The following SLC13A3 variants were observed in gnomAD, a reference collection of about 807,000 sequenced individuals.
SLC13A3 encodes the protein Na(+)/dicarboxylate cotransporter 3.
In SLC13A3, 40 loss-of-function variants were observed where a neutral mutation model predicts 59.0. The ratio of observed to expected loss-of-function variants is 0.68; its 90% confidence interval spans 0.53 to 0.88. The LOEUF (loss-of-function observed/expected upper bound fraction) is 0.88. Ranked by LOEUF, SLC13A3 falls within the 40% of genes least tolerant of loss-of-function variation. The pLI is 0.00. For synonymous variants in SLC13A3, 317 were observed against 330.3 expected (o/e 0.96, Z 0.44); for missense variants, 699 against 783.2 (o/e 0.89, Z 1.28).
At chr20:46,566,446 CAG>C in intron 10 of SLC13A3, 56 bp from the exon 11 acceptor site, 2 of 1,573,230 alleles carry the variant, frequency 1.3e-6, no homozygotes, top group Non-Finnish European at 1.7e-6. Flanking sequence ...TGCCGCCCCC[CAG>C]AGAGGGTTAG....
intron 1 of SLC13A3, among the ~76,000 whole-genome samples, chr20:46,616,315 T>C (rs1222634468): frequency 6.6e-6 from 1 of 152,146 alleles, no homozygotes; most frequent in Non-Finnish European, 1.5e-5. Context: ...AAAAAGGCAC[T>C]CTTCTGGAGA....
intron 1 of SLC13A3, among the ~76,000 whole-genome samples, chr20:46,642,207 A>T (rs1025392261): frequency 9.2e-5 from 14 of 152,314 alleles, no homozygotes; most frequent in Admixed American, 4.6e-4. Context: ...TGTGTTTATC[A>T]TACCCAAATA....
intron 1 of SLC13A3, chr20:46,676,153 C>T (rs1477490801): frequency 1.3e-5 from 2 of 152,176 alleles, no homozygotes; most frequent in East Asian, 3.9e-4. Context: ...AGGTGATCTA[C>T]CCACCTCGGC....
chr20:46,614,440 G>A (rs1189786796), intron 1 of SLC13A3, among the ~76,000 whole-genome samples: 2 of 152,170 alleles, frequency 1.3e-5, no homozygotes, highest in East Asian at 3.8e-4. Context: ...CTGCAGCCAG[G>A]GGAAATACTC....
chr20:46,564,220 G>A (rs1196276308), intron 11 of SLC13A3, among the ~76,000 whole-genome samples: 1 of 152,224 alleles, frequency 6.6e-6, no homozygotes, highest in African/African-American at 2.4e-5. Flanking sequence ...GCTCATGAGA[G>A]CATCTGTTGG....
intron 6 of SLC13A3, 54 bp downstream of exon 6, chr20:46,592,350 G>A (rs2062268014): frequency 6.2e-7 from 1 of 1,606,210 alleles, no homozygotes; most frequent in Admixed American, 1.7e-5. Context: ...ACTGAGGTTA[G>A]AAACGCCATT....
intron 3 of SLC13A3, among the ~76,000 whole-genome samples, chr20:46,604,550 C>G (rs1427263119): frequency 4.6e-5 from 7 of 152,118 alleles, no homozygotes; most frequent in Non-Finnish European, 1.0e-4. Context: ...CTTGTCTCGC[C>G]CCGTGGTTTG....
intron 6 of SLC13A3, among the ~76,000 whole-genome samples, 191 bp from the exon 7 acceptor site, chr20:46,589,446 T>G (rs2062230602): frequency 6.6e-6 from 1 of 152,180 alleles, no homozygotes; most frequent in Non-Finnish European, 1.5e-5. Flanking sequence ...TGGTTGATCT[T>G]TGAAAATGTG....
chr20:46,587,026 C>T (rs2062199863), intron 8 of SLC13A3, among the ~76,000 whole-genome samples: 1 of 152,190 alleles, frequency 6.6e-6, no homozygotes, highest in Non-Finnish European at 1.5e-5. Flanking sequence ...TTTGATTTTT[C>T]CGCAGCCATT....
chr20:46,599,488 A>C (rs924116759), intron 4 of SLC13A3, among the ~76,000 whole-genome samples: 2 of 152,244 alleles, frequency 1.3e-5, no homozygotes, highest in African/African-American at 4.8e-5. Flanking sequence ...AAATCCCATG[A>C]TCTTAACTAC....
At chr20:46,638,206 C>T (rs953326084) in intron 1 of SLC13A3, among the ~76,000 whole-genome samples, 14 of 152,192 alleles carry the variant, frequency 9.2e-5, no homozygotes, top group African/African-American at 2.9e-4. Context: ...TGGTGTAAAA[C>T]GCCCAACTCA....
chr20:46,599,875 AG>A, intron 4 of SLC13A3, 95 bp downstream of exon 4: 1 of 935,670 alleles, frequency 1.1e-6, no homozygotes, highest in Admixed American at 2.3e-5. Flanking sequence ...AGAAAAATTC[AG>A]GGATGGGAGG....
At chr20:46,641,316 C>T (rs2062844366) in intron 1 of SLC13A3, among the ~76,000 whole-genome samples, 1 of 152,168 alleles carries the variant, frequency 6.6e-6, no homozygotes, top group Admixed American at 6.5e-5. Context: ...GTGTCAGGCA[C>T]TACTCTGGGT....
chr20:46,587,710 T>C (rs1473168031), intron 8 of SLC13A3, among the ~76,000 whole-genome samples: 5 of 152,216 alleles, frequency 3.3e-5, no homozygotes, highest in African/African-American at 7.2e-5. Context: ...TTTGTCTGTG[T>C]CCCAGCATCC....
chr20:46,637,394 C>A (rs6124837), intron 1 of SLC13A3, among the ~76,000 whole-genome samples: 7,115 of 152,226 alleles, frequency 0.047, 249 homozygotes, highest in East Asian at 0.21. Context: ...GAATAAGCAT[C>A]ATCTCAGTTA....
intron 1 of SLC13A3, among the ~76,000 whole-genome samples, chr20:46,620,207 T>A (rs1053905967): frequency 2.6e-5 from 4 of 152,244 alleles, no homozygotes; most frequent in African/African-American, 9.6e-5. Context: ...ATTTGTTCAT[T>A]AAACAACCTT....
At chr20:46,645,414 A>G (rs1428546931) in intron 1 of SLC13A3, among the ~76,000 whole-genome samples, 2 of 152,174 alleles carry the variant, frequency 1.3e-5, no homozygotes, top group Non-Finnish European at 2.9e-5. Context: ...CCTTTACTTA[A>G]CAGCTCACCA....
intron 4 of SLC13A3, among the ~76,000 whole-genome samples, chr20:46,597,852 T>C (rs1436607745): frequency 6.6e-6 from 1 of 152,246 alleles, no homozygotes; most frequent in African/African-American, 2.4e-5. Context: ...ATTTCAAGAG[T>C]ATTTTTTGAC....
chr20:46,631,686 A>G (rs1306871522), intron 1 of SLC13A3, among the ~76,000 whole-genome samples: 1 of 152,162 alleles, frequency 6.6e-6, no homozygotes, highest in Admixed American at 6.5e-5. Flanking sequence ...AGGAAGCCTT[A>G]TAATCCCCCC....
Sources: gnomAD v4.1 joint callset for allele counts (sites outside exome capture counted in the v4.1 genomes callset) on GRCh38, gnomAD v4.1.1 for gene constraint, MANE v1.5 for transcripts, NCBI Gene and HGNC (gene_info 2026-07-23, HGNC 2026-07-21) for gene names.